Variants in PIP5K1A observed in about 807,000 individuals in gnomAD.
The protein encoded by PIP5K1A is phosphatidylinositol-4-phosphate 5-kinase type 1 alpha.
In PIP5K1A, 46 loss-of-function variants were observed where a neutral mutation model predicts 72.9. The ratio of observed to expected loss-of-function variants is 0.63; its 90% CI spans 0.50 to 0.81. The LOEUF (loss-of-function observed/expected upper bound fraction) is 0.81. Ranked by LOEUF, PIP5K1A falls within the 30% of genes least tolerant of loss-of-function variation. The pLI, the probability that PIP5K1A is intolerant of heterozygous loss-of-function variation, is 0.00. For synonymous variants in PIP5K1A, 228 were observed against 255.1 expected (o/e 0.89, Z 1.01); for missense variants, 458 against 706.1 (o/e 0.65, Z 3.98).
chr1:151,221,671 C>T (rs780445344), intron 1 of PIP5K1A, among the ~76,000 whole-genome samples: 8 of 152,160 alleles, frequency 5.3e-5, no homozygotes, highest in Non-Finnish European at 8.8e-5. Context: ...GATTACAAAA[C>T]GATAATGTAT....
intron 7 of PIP5K1A, 34 bp from the exon 8 acceptor site, chr1:151,234,163 G>T: frequency 6.5e-7 from 1 of 1,535,294 alleles, no homozygotes; most frequent in Non-Finnish European, 8.8e-7. Context: ...CAGCTAAGTT[G>T]TTCTCCTACT....
At position 151,247,873 on chromosome 1, in the gene PIP5K1A, GC is replaced by G; in HGVS notation, c.*10del. ...ACTCTCCCTTTTCAGTAAGCGCAAAGCCTCAGAAGACCTGGAACAAGATTCT... is the reference window on the plus strand; with the variant it reads ...ACTCTCCCTTTTCAGTAAGCGCAAAGCTCAGAAGACCTGGAACAAGATTCT... On this transcript the variant is annotated 3_prime_UTR_variant, in exon 16 of 16. Coordinates refer to ENST00000368888, the MANE Select transcript of PIP5K1A (RefSeq NM_001135638.2). 6.2e-7 allele frequency: 1 copy of G among 1,610,380 alleles called. No homozygotes were observed. The highest frequency in any genetic ancestry group is 8.5e-7 in the Non-Finnish European group (1 of 1,176,758).
intron 9 of PIP5K1A, 97 bp from the exon 10 acceptor site, chr1:151,238,085 G>T: frequency 5.5e-6 from 4 of 721,558 alleles, no homozygotes; most frequent in Non-Finnish European, 7.6e-6. Context: ...CTGGTTTATG[G>T]AGGATGAGGC....
upstream of PIP5K1A, among the ~76,000 whole-genome samples, chr1:151,195,964 G>A (rs897926019): frequency 1.7e-5 from 2 of 119,926 alleles, no homozygotes; most frequent in Admixed American, 2.4e-4. Flanking sequence ...GCACGATCTC[G>A]GCTCAGTGCA....
chr1:151,233,812 C>T (rs1007169852), intron 7 of PIP5K1A: 1 of 182,124 alleles, frequency 5.5e-6, no homozygotes, highest in East Asian at 1.5e-4. Context: ...GTAATACTCT[C>T]TGCAGCCTTA....
intron 1 of PIP5K1A, among the ~76,000 whole-genome samples, chr1:151,208,990 C>T (rs1362873510): frequency 1.3e-5 from 2 of 151,264 alleles, no homozygotes; most frequent in Non-Finnish European, 2.9e-5. Flanking sequence ...CCTCGGCCTC[C>T]CAAGGTGCTG....
intron 1 of PIP5K1A, among the ~76,000 whole-genome samples, chr1:151,208,313 A>G (rs1686235476): frequency 6.6e-6 from 1 of 151,932 alleles, no homozygotes; most frequent in African/African-American, 2.4e-5. Context: ...TACACCAGCT[A>G]AGAAACAAAA....
chr1:151,209,113 T>G (rs1686411697), intron 1 of PIP5K1A, among the ~76,000 whole-genome samples: 1 of 151,136 alleles, frequency 6.6e-6, no homozygotes, highest in South Asian at 2.1e-4. Flanking sequence ...ATTTCAAGAG[T>G]ATTTTCAGTT....
At chr1:151,201,367 T>C (rs75251615) in intron 1 of PIP5K1A, among the ~76,000 whole-genome samples, 2 of 151,678 alleles carry the variant, frequency 1.3e-5, no homozygotes, top group Admixed American at 1.3e-4. Flanking sequence ...GTTTTTTTTT[T>C]GAGACAGAGT....
chr1:151,214,386 T>C (rs975161421), intron 1 of PIP5K1A, among the ~76,000 whole-genome samples: 1 of 152,158 alleles, frequency 6.6e-6, no homozygotes, highest in Non-Finnish European at 1.5e-5. Flanking sequence ...GTTTTTGTTT[T>C]TGTTTTTGTT....
intron 1 of PIP5K1A, among the ~76,000 whole-genome samples, chr1:151,219,884 T>G (rs1224718821): frequency 9.6e-5 from 10 of 104,068 alleles, no homozygotes; most frequent in African/African-American, 3.8e-4. Flanking sequence ...CGAGATGGGG[T>G]CTCCCTATGT....
In PIP5K1A at chr1:151,227,303, C is replaced by G. The variant is rs772619423; in HGVS notation, c.157-17C>G. Reference sequence around the variant, plus strand: ...TCTTACATGGGAATTGTATTATAATCTTGACTCTTCTTCTAGGTGCCTTAT... The same window carrying G: ...TCTTACATGGGAATTGTATTATAATGTTGACTCTTCTTCTAGGTGCCTTAT... On this transcript the variant is annotated splice_polypyrimidine_tract_variant and intron_variant, in intron 3 of 15. Transcript: ENST00000368888. 1.9e-6 allele frequency: 3 copies of G among 1,551,828 alleles called. No individual in the cohort carries two copies. The African/African-American group carries it at 4.1e-5, about 21-fold the overall frequency.
chr1:151,241,136 C>T (rs772864746), intron 12 of PIP5K1A, among the ~76,000 whole-genome samples: 1 of 151,958 alleles, frequency 6.6e-6, no homozygotes, highest in Non-Finnish European at 1.5e-5. Flanking sequence ...GCACTCCAGC[C>T]TGGGTGACAA....
intron 1 of PIP5K1A, among the ~76,000 whole-genome samples, chr1:151,216,168 G>A (rs1320541476): frequency 6.6e-6 from 1 of 151,996 alleles, no homozygotes; most frequent in Non-Finnish European, 1.5e-5. Flanking sequence ...CTAACACAGT[G>A]AAACCCCGTC....
chr1:151,242,972 A>G (rs587672653), intron 14 of PIP5K1A, among the ~76,000 whole-genome samples: 2 of 152,226 alleles, frequency 1.3e-5, no homozygotes, highest in Non-Finnish European at 2.9e-5. Context: ...AGCTCAGAAC[A>G]TGGCACCTGG....
At chr1:151,203,811 A>C (rs1268244705) in intron 1 of PIP5K1A, among the ~76,000 whole-genome samples, 1 of 150,750 alleles carries the variant, frequency 6.6e-6, no homozygotes, top group African/African-American at 2.4e-5. Context: ...AGACAGAGTG[A>C]GACTCTGTCT....
chr1:151,196,675 C>T (rs1684577199), upstream of PIP5K1A, among the ~76,000 whole-genome samples: 1 of 151,054 alleles, frequency 6.6e-6, no homozygotes, highest in Non-Finnish European at 1.5e-5. Flanking sequence ...CTGCCTCAGC[C>T]TCCGGCGTAG....
At chr1:151,219,871 T>TTTG (rs1553293509) in intron 1 of PIP5K1A, among the ~76,000 whole-genome samples, 1 of 149,384 alleles carries the variant, frequency 6.7e-6, no homozygotes, top group African/African-American at 2.5e-5. Context: ...TTTTTTTTTT[T>TTTG]GCCGAGATGG....
intron 1 of PIP5K1A, among the ~76,000 whole-genome samples, chr1:151,206,028 C>T (rs587658690): frequency 6.6e-6 from 1 of 152,262 alleles, no homozygotes; most frequent in South Asian, 2.1e-4. Context: ...TCCCCTATTG[C>T]ACCTCACTTC....
Sources: gnomAD v4.1 joint callset for allele counts (sites outside exome capture counted in the v4.1 genomes callset) on GRCh38, gnomAD v4.1.1 for gene constraint, MANE v1.5 for transcripts, NCBI Gene and HGNC (gene_info 2026-07-23, HGNC 2026-07-21) for gene names.